Variants in CFAP47 observed in about 807,000 individuals in gnomAD.
CFAP47 encodes cilia and flagella associated protein 47.
A neutral mutation model predicts 148.1 loss-of-function variants in CFAP47; 29 were observed. That is an observed-to-expected ratio of 0.20 (90% CI 0.15 to 0.27). CFAP47 has a LOEUF of 0.27. Ranked by LOEUF, CFAP47 falls within the 10% of genes least tolerant of loss-of-function variation. The pLI is 1.00. For missense variants in CFAP47, 1,872 were observed against 1,697.5 expected, an observed-to-expected ratio of 1.10 and a Z score of -1.81; for synonymous variants, 664 against 577.3, an observed-to-expected ratio of 1.15 and a Z score of -2.15.
At chrX:36,211,535 G>T in intron 45 of CFAP47, 1 of 305,389 alleles carries the variant, frequency 3.3e-6, no homozygotes. Flanking sequence ...CAGATGAAAA[G>T]CAGCCTCATG....
rs751788515 is a variant in CFAP47, at chrX:36,049,488, T to TCTCTTA, written c.4217+2426_4217+2427insTCTTAC. ...ACTCTTCTGCATGTATTTCTCTCTC[T>TCTCTTA]CACACACACACACACACACACACAC... On this transcript the variant is annotated intron_variant, in intron 26 of 63. Transcript: ENST00000378653. 5.2e-3 allele frequency among the ~76,000 whole-genome samples: 483 copies of TCTCTTA among 92,277 alleles called. 2 individuals are homozygous for TCTCTTA. The highest frequency in any genetic ancestry group is 0.017 in the African/African-American group (443 of 26,243). The allele number at this position is 92,277 out of a possible 115,157, so 80.1% of individuals were successfully genotyped here. A position where few individuals can be genotyped will look rare whatever the true frequency, so the allele number is the denominator to read the frequency against.
chrX:36,263,685 G>A (rs1940856157), intron 49 of CFAP47, among the ~76,000 whole-genome samples: 1 of 111,478 alleles, frequency 9.0e-6, no homozygotes, highest in African/African-American at 3.3e-5. Context: ...TCAGGGCACT[G>A]GGCTCTCCTC....
chrX:36,298,710 T>G (rs1157145197), intron 51 of CFAP47, among the ~76,000 whole-genome samples: 1 of 111,435 alleles, frequency 9.0e-6, no homozygotes, highest in Non-Finnish European at 1.9e-5. Context: ...AATGTAATTT[T>G]ACAAATAGTT....
chrX:35,962,833 A>G (rs908556271), intron 8 of CFAP47, among the ~76,000 whole-genome samples: 16 of 110,205 alleles, frequency 1.5e-4, no homozygotes, highest in Non-Finnish European at 1.5e-4. Context: ...GGTTGATTGC[A>G]TATTTTGGCT....
chrX:36,098,227 T>G (rs1298061898), intron 30 of CFAP47, among the ~76,000 whole-genome samples: 1 of 112,167 alleles, frequency 8.9e-6, no homozygotes, highest in East Asian at 2.8e-4. Context: ...TTATGTTGAA[T>G]TTCTTTGAGT....
At chrX:35,939,159 A>G (rs1165363761) in intron 2 of CFAP47, among the ~76,000 whole-genome samples, 1 of 111,191 alleles carries the variant, frequency 9.0e-6, no homozygotes, top group Non-Finnish European at 1.9e-5. Flanking sequence ...CCTTTATACC[A>G]TTGGAAGGTA....
At chrX:36,049,491 C>CTT (rs200811532) in intron 26 of CFAP47, among the ~76,000 whole-genome samples, 10,074 of 83,900 alleles carry the variant, frequency 0.12, 464 homozygotes, top group East Asian at 0.28. Context: ...CTCTCTCTCA[C>CTT]ACACACACAC....
chrX:36,291,628 C>CA (rs58205535), intron 51 of CFAP47, among the ~76,000 whole-genome samples: 14,845 of 94,895 alleles, frequency 0.16, 1,073 homozygotes, highest in East Asian at 0.27. Flanking sequence ...ACCTGACATG[C>CA]AAAAAAAAAA....
chrX:35,940,187 G>A (rs986131834), intron 2 of CFAP47, among the ~76,000 whole-genome samples: 14 of 111,010 alleles, frequency 1.3e-4, no homozygotes, highest in Non-Finnish European at 2.3e-4. Context: ...TGTAGATTCT[G>A]GATATTAGCC....
At chrX:36,323,003 G>C (rs1223401465) in intron 57 of CFAP47, among the ~76,000 whole-genome samples, 2 of 110,504 alleles carry the variant, frequency 1.8e-5, no homozygotes, top group African/African-American at 6.6e-5. Flanking sequence ...AAGACATTGG[G>C]GCACTATTGG....
chrX:36,065,835 G>C (rs1937633384), intron 27 of CFAP47, 92 bp downstream of exon 27: 1 of 489,239 alleles, frequency 2.0e-6, no homozygotes, highest in African/African-American at 2.4e-5. Context: ...ATTATCAGTT[G>C]TTTATTAAAC....
intron 25 of CFAP47, among the ~76,000 whole-genome samples, chrX:36,042,988 T>C (rs952757923): frequency 1.8e-5 from 2 of 111,587 alleles, no homozygotes; most frequent in South Asian, 7.5e-4. Context: ...AAAAGTTTCA[T>C]AGATGAATAG....
intron 56 of CFAP47, among the ~76,000 whole-genome samples, chrX:36,314,953 T>C (rs1169318419): frequency 9.0e-6 from 1 of 111,381 alleles, no homozygotes; most frequent in African/African-American, 3.3e-5. Flanking sequence ...GAAGCAAAGC[T>C]CAGAAGATTT....
chrX:35,970,755 G>A lies in CFAP47; in HGVS notation c.1815-13G>A. 8.7e-7 allele frequency: 1 copy of A among 1,147,910 alleles called. No individual in the cohort carries two copies. Among genetic ancestry groups the A allele is most frequent in the Non-Finnish European group, 1.2e-6 (1 of 860,402 alleles). 94.6% of individuals were successfully genotyped at this position (1,147,910 alleles called of 1,213,427 possible). A position where few individuals can be genotyped will look rare whatever the true frequency, so the allele number is the denominator to read the frequency against. On this transcript the variant is annotated splice_polypyrimidine_tract_variant and intron_variant, in intron 10 of 63. Coordinates refer to ENST00000378653, the MANE Select transcript of CFAP47 (RefSeq NM_001304548.2). Reference sequence around the variant, plus strand: ...ATATATAAAAATATTAACATGACTTGCTTATATTGCAGGCCAATTTTCACA... The same window carrying A: ...ATATATAAAAATATTAACATGACTTACTTATATTGCAGGCCAATTTTCACA...
In CFAP47 at chrX:36,104,606, T is replaced by C. The variant is rs760039238; in HGVS notation, c.5235T>C (p.Tyr1745=). The change falls in exon 33 of 64, where the codon TAT becomes TAC. Residue 1745 remains tyrosine, a synonymous_variant. Transcript: ENST00000378653. ...VNPCFASSNI[Y]SDSERILLSW... ...CTTGTTTTGCATCCAGCAACATATA[T>C]TCTGATTCTGAAAGAATTTTGCTTA... The C allele has an allele frequency of 2.0e-4, 189 of 926,981 alleles. 1 individual carries two copies. In the South Asian group the frequency reaches 3.9e-3, roughly 19 times the overall value. The allele number at this position is 926,981 out of a possible 1,213,427, so 76.4% of individuals were successfully genotyped here.
At chrX:36,231,253 G>A (rs1468106830) in intron 46 of CFAP47, among the ~76,000 whole-genome samples, 17 of 109,299 alleles carry the variant, frequency 1.6e-4, no homozygotes, top group African/African-American at 5.0e-4. Flanking sequence ...AGCATGGAAT[G>A]TTCTTCCATT....
intron 21 of CFAP47, among the ~76,000 whole-genome samples, chrX:36,003,581 T>TA: frequency 9.1e-6 from 1 of 109,860 alleles, no homozygotes; most frequent in East Asian, 2.9e-4. Context: ...GCATTTTTTT[T>TA]TAAAAAATAT....
rs1336056346 is a variant in CFAP47 at position 36,145,326 on chromosome X, T to C, written c.5643T>C (p.Cys1881=). The change falls in exon 36 of 64, where the codon TGT becomes TGC. Residue 1881 remains cysteine, a synonymous_variant. Coordinates refer to ENST00000378653, the MANE Select transcript of CFAP47 (RefSeq NM_001304548.2). ...CTAAGAAGGTGGTGTCCTTTGAATGTACTCTACATGACACGGTGCTGAATA... is the reference window on the plus strand; with the variant it reads ...CTAAGAAGGTGGTGTCCTTTGAATGCACTCTACATGACACGGTGCTGAATA... ...YLPKKVVSFE[C]TLHDTVLNKI... 4 of 296,440 alleles carry C rather than the reference T, an allele frequency of 1.3e-5. No homozygotes were observed. Among genetic ancestry groups the C allele is most frequent in the Non-Finnish European group, 2.3e-5 (4 of 170,644 alleles). 24.4% of individuals were successfully genotyped at this position (296,440 alleles called of 1,213,427 possible).
intron 2 of CFAP47, among the ~76,000 whole-genome samples, chrX:35,926,633 A>G (rs1935745040): frequency 9.1e-6 from 1 of 110,072 alleles, no homozygotes; most frequent in Non-Finnish European, 1.9e-5. Context: ...TAAAAAGTAT[A>G]TTTCTGTTCA....
Sources: gnomAD v4.1 joint callset for allele counts (sites outside exome capture counted in the v4.1 genomes callset) on GRCh38, gnomAD v4.1.1 for gene constraint, MANE v1.5 for transcripts, NCBI Gene and HGNC (gene_info 2026-07-23, HGNC 2026-07-21) for gene names.